RNGTT: variants seen among roughly 807,000 people sequenced by gnomAD.
RNGTT encodes mRNA-capping enzyme.
RNGTT carries 33 observed loss-of-function variants against 79.3 expected under a neutral mutation model. The observed-to-expected ratio is 0.42, with a 90% confidence interval of 0.32 to 0.56. The LOEUF is 0.56. Among genes scored for constraint, RNGTT ranks in the 20% least tolerant of loss-of-function variants. The pLI is 0.17. For missense variants in RNGTT, 497 were observed against 739.1 expected (o/e 0.67, Z 3.80); for synonymous variants, 222 against 235.9 (o/e 0.94, Z 0.54).
chr6:88,848,820 CTTA>C lies in RNGTT; in HGVS notation c.1104+932_1104+934del, dbSNP rs1781573751. Among the ~76,000 whole-genome samples the C allele has an allele frequency of 2.6e-5, 4 of 152,048 alleles. No individual in the cohort carries two copies. In the South Asian group the frequency reaches 8.3e-4, roughly 32 times the overall value. ...CTATTGGATTCGTAATGAATCATGT[CTTA>C]TTAAAAAGAAAGTGGACCAAAAGTA... On this transcript the variant is annotated intron_variant, in intron 10 of 15. Coordinates refer to ENST00000369485, the MANE Select transcript of RNGTT (RefSeq NM_003800.5).
intron 14 of RNGTT, among the ~76,000 whole-genome samples, chr6:88,626,446 A>C (rs1450159343): frequency 6.6e-6 from 1 of 152,040 alleles, no homozygotes; most frequent in Non-Finnish European, 1.5e-5. Flanking sequence ...ACAGTAATTT[A>C]TGTAATTATT....
chr6:88,837,133 G>A (rs746110093), intron 11 of RNGTT, among the ~76,000 whole-genome samples: 18 of 152,140 alleles, frequency 1.2e-4, no homozygotes, highest in South Asian at 2.1e-4. Context: ...GTGGCTTACC[G>A]TGTAATCCCA....
intron 12 of RNGTT, among the ~76,000 whole-genome samples, chr6:88,793,047 C>T (rs1404141452): frequency 1.3e-5 from 2 of 152,172 alleles, no homozygotes; most frequent in Non-Finnish European, 2.9e-5. Flanking sequence ...TGTACCACAT[C>T]CTTCTTACAG....
chr6:88,796,220 A>G (rs1779596372), intron 12 of RNGTT, among the ~76,000 whole-genome samples: 1 of 152,208 alleles, frequency 6.6e-6, no homozygotes, highest in South Asian at 2.1e-4. Flanking sequence ...TAATTTTACC[A>G]CTTTTTTTCT....
At chr6:88,912,094 TAAAAA>T (rs981945438) in intron 4 of RNGTT, among the ~76,000 whole-genome samples, 11 of 150,988 alleles carry the variant, frequency 7.3e-5, no homozygotes, top group African/African-American at 2.4e-4. Context: ...AAAAATAAAA[TAAAAA>T]GAAGAAGAAG....
In RNGTT at chr6:88,785,912, G is replaced by A. The variant is rs116254095; in HGVS notation, c.1338+15652C>T. Among the ~76,000 whole-genome samples the A allele has an allele frequency of 9.0e-3, 1,376 of 152,140 alleles. 20 individuals are homozygous for A. Among genetic ancestry groups the A allele is most frequent in the African/African-American group, 0.031 (1,291 of 41,512 alleles). ...TTTCTATGCAAACTGATGAATACCA[G>A]ATACATAAAATCAAGCTGAACCACC... On this transcript the variant is annotated intron_variant, in intron 12 of 15. Transcript: ENST00000369485.
intron 14 of RNGTT, among the ~76,000 whole-genome samples, chr6:88,623,725 C>T (rs1023783526): frequency 7.9e-5 from 12 of 151,966 alleles, no homozygotes; most frequent in Non-Finnish European, 1.5e-4. Context: ...TCAAGTCATT[C>T]TCTTGCTTAA....
intron 1 of RNGTT, among the ~76,000 whole-genome samples, chr6:88,954,185 A>G (rs1299790337): frequency 6.6e-6 from 1 of 152,256 alleles, no homozygotes; most frequent in Non-Finnish European, 1.5e-5. Context: ...TAAAAGACAC[A>G]GAATGGCAGA....
chr6:88,640,386 CAAAAAAA>C lies in RNGTT; in HGVS notation c.1507-25998_1507-25992del, dbSNP rs34910543. On this transcript the variant is annotated intron_variant, in intron 14 of 15. Transcript: ENST00000369485. ...GCAGCATACCGAGACCCTGTCTCTA[CAAAAAAA>C]AAAAAAAAAAATCCAGGCATGGTGG... Among the ~76,000 whole-genome samples the C allele has an allele frequency of 4.1e-5, 4 of 97,134 alleles. No homozygotes were observed. In the East Asian group the frequency reaches 1.4e-3, roughly 35 times the overall value. The allele number at this position is 97,134 out of a possible 152,430, so 63.7% of individuals were successfully genotyped here. A position where few individuals can be genotyped will look rare whatever the true frequency, so the allele number is the denominator to read the frequency against.
intron 12 of RNGTT, among the ~76,000 whole-genome samples, chr6:88,775,396 C>T (rs375109264): frequency 6.6e-6 from 1 of 152,188 alleles, no homozygotes; most frequent in Non-Finnish European, 1.5e-5. Flanking sequence ...CCCCAACTCC[C>T]CCATCCTCAG....
intron 2 of RNGTT, among the ~76,000 whole-genome samples, chr6:88,934,788 G>A (rs1784616323): frequency 6.6e-6 from 1 of 151,952 alleles, no homozygotes. Flanking sequence ...CCACAGGTAT[G>A]TGCCACCAAG....
chr6:88,827,565 G>A (rs9353623), intron 11 of RNGTT, among the ~76,000 whole-genome samples: 5,936 of 152,204 alleles, frequency 0.039, 177 homozygotes, highest in African/African-American at 0.08. Flanking sequence ...CTGGAAAGGC[G>A]GCTGAAGCCA....
intron 13 of RNGTT, among the ~76,000 whole-genome samples, chr6:88,742,864 T>C (rs1777539840): frequency 6.6e-6 from 1 of 152,190 alleles, no homozygotes. Context: ...ATGTTACCCC[T>C]ATTATTTATA....
At chr6:88,902,352 T>C (rs1783500046) in intron 6 of RNGTT, among the ~76,000 whole-genome samples, 1 of 152,178 alleles carries the variant, frequency 6.6e-6, no homozygotes, top group Non-Finnish European at 1.5e-5. Context: ...ATAATCCTAC[T>C]ACTTTGGGAG....
chr6:88,613,352 T>C (rs1356091961), intron 15 of RNGTT, among the ~76,000 whole-genome samples: 2 of 152,232 alleles, frequency 1.3e-5, no homozygotes, highest in Non-Finnish European at 2.9e-5. Context: ...TAGCAGACCA[T>C]ATTATCTTCT....
intron 14 of RNGTT, among the ~76,000 whole-genome samples, chr6:88,658,132 G>A (rs527249110): frequency 1.6e-4 from 24 of 152,282 alleles, no homozygotes; most frequent in Non-Finnish European, 2.8e-4. Flanking sequence ...CCTGTCTGGA[G>A]GCCAGCCAAC....
At chr6:88,699,742 G>C (rs1290697023) in intron 13 of RNGTT, among the ~76,000 whole-genome samples, 1 of 152,054 alleles carries the variant, frequency 6.6e-6, no homozygotes, top group Non-Finnish European at 1.5e-5. Flanking sequence ...AGCCTTAAAA[G>C]GAATGACATT....
chr6:88,775,514 C>T (rs1778846465), intron 12 of RNGTT, among the ~76,000 whole-genome samples: 1 of 152,160 alleles, frequency 6.6e-6, no homozygotes, highest in Non-Finnish European at 1.5e-5. Flanking sequence ...TGCTCTCCCT[C>T]TGACCTGAGC....
intron 1 of RNGTT, among the ~76,000 whole-genome samples, chr6:88,953,892 G>A (rs1785339728): frequency 6.6e-6 from 1 of 152,180 alleles, no homozygotes; most frequent in African/African-American, 2.4e-5. Context: ...AAATGAAGGA[G>A]AGATAGTCTT....
Sources: allele counts gnomAD v4.1 joint callset (sites outside exome capture counted in the v4.1 genomes callset), GRCh38; gene constraint gnomAD v4.1.1; transcripts MANE v1.5; gene names NCBI Gene and HGNC (gene_info 2026-07-23, HGNC 2026-07-21).